The following CLDN18 variants were observed in gnomAD, a reference collection of about 807,000 sequenced individuals.
CLDN18 encodes claudin-18.
Under a neutral mutation model 25.0 loss-of-function variants are expected in CLDN18, and 20 were observed. That is an observed-to-expected ratio of 0.80 (90% CI 0.56 to 1.16). CLDN18 has a LOEUF of 1.16. CLDN18 is among the 50% of genes most tolerant of loss of function. CLDN18 has a pLI of 0.00. For synonymous variants in CLDN18, 125 were observed against 135.6 expected, an observed-to-expected ratio of 0.92 and a Z score of 0.54; for missense variants, 297 against 345.4, an observed-to-expected ratio of 0.86 and a Z score of 1.11.
upstream of CLDN18, among the ~76,000 whole-genome samples, chr3:138,008,982 C>G (rs72991129): frequency 6.6e-6 from 1 of 152,150 alleles, no homozygotes; most frequent in East Asian, 1.9e-4. Context: ...CCCCCATATC[C>G]GTCAACCAAT....
At chr3:138,014,222 C>A (rs1407411868) in intron 1 of CLDN18, among the ~76,000 whole-genome samples, 1 of 152,130 alleles carries the variant, frequency 6.6e-6, no homozygotes, top group Admixed American at 6.5e-5. Context: ...ATGTTTCAGA[C>A]CCACGAAAGG....
At position 138,032,124 on chromosome 3, in the gene CLDN18, A is replaced by G. The variant is rs1471544211; in HGVS notation, c.*983A>G. 1 of 152,214 alleles carries G rather than the reference A, an allele frequency of 6.6e-6. No individual in the cohort carries two copies. The highest frequency in any genetic ancestry group is 2.4e-5 in the African/African-American group (1 of 41,462). The allele number at this position is 152,214 out of a possible 1,614,324, so 9.4% of individuals were successfully genotyped here. A position where few individuals can be genotyped will look rare whatever the true frequency, so the allele number is the denominator to read the frequency against. ...ACATGATAGTAAGTGTAAGCCATGT[A>G]AAAAGTAAATAATGTCTGGGCACAG... On this transcript the variant is annotated 3_prime_UTR_variant, in exon 5 of 5. Transcript: ENST00000183605.
chr3:138,012,157 T>C (rs143954329), intron 1 of CLDN18, among the ~76,000 whole-genome samples: 1 of 152,308 alleles, frequency 6.6e-6, no homozygotes, highest in African/African-American at 2.4e-5. Flanking sequence ...CATTGTCAAG[T>C]TCTGTCTCTC....
At position 138,000,456 on chromosome 3, in the gene CLDN18, G is replaced by C. The variant is rs1010103594; in HGVS notation, c.220+1368G>C. ...GAGAATGACCTTGGCGGGAGAAGAA[G>C]GTTTATGTGGGGATGATTATGGAGA... is the stretch of plus-strand genomic sequence containing the variant. On this transcript the variant is annotated intron_variant, in intron 1 of 4. Coordinates refer to the CLDN18 transcript ENST00000343735. Among the ~76,000 whole-genome samples, 24 of 152,316 alleles carry C rather than the reference G, an allele frequency of 1.6e-4. No individual in the cohort carries two copies. In the South Asian group the frequency reaches 2.7e-3, roughly 17 times the overall value.
chr3:138,023,305 G>T (rs1385007548), intron 1 of CLDN18, among the ~76,000 whole-genome samples: 2 of 152,124 alleles, frequency 1.3e-5, no homozygotes, highest in Non-Finnish European at 2.9e-5. Context: ...CTTACCTTAG[G>T]CAAACTATTT....
intron 1 of CLDN18, among the ~76,000 whole-genome samples, chr3:138,000,205 A>T (rs565620445): frequency 7.9e-4 from 120 of 152,290 alleles, no homozygotes; most frequent in African/African-American, 2.6e-3. Context: ...CCAAAAATAT[A>T]AAAGAGTGCA....
chr3:137,998,843 G>T, exon 1 of CLDN18: 2 of 1,610,890 alleles, frequency 1.2e-6, no homozygotes, highest in Non-Finnish European at 1.7e-6. Flanking sequence ...TTGTCGTGTG[G>T]CTCTGTGTCG....
In CLDN18 at chr3:138,032,744, G is replaced by C. The variant is rs1942412218; in HGVS notation, c.*1603G>C. 6.6e-6 allele frequency: 1 copy of C among 152,154 alleles called. No homozygotes were observed. The highest frequency in any genetic ancestry group is 2.4e-5 in the African/African-American group (1 of 41,438). The allele number at this position is 152,154 out of a possible 1,614,324, so 9.4% of individuals were successfully genotyped here. ...CAGGTGTGCGCCATCACAACTAGCT[G>C]GTGGTCAGTTTTGTTACTCTGAGAG... is the stretch of plus-strand genomic sequence containing the variant. On this transcript the variant is annotated 3_prime_UTR_variant, in exon 5 of 5. Transcript: ENST00000183605.
chr3:138,029,048 G>A (rs964311551), intron 3 of CLDN18, among the ~76,000 whole-genome samples: 1 of 152,210 alleles, frequency 6.6e-6, no homozygotes, highest in African/African-American at 2.4e-5. Flanking sequence ...AGCTCTACCT[G>A]CATGGAGGGT....
intron 1 of CLDN18, 101 bp from the exon 2 acceptor site, chr3:138,023,557 G>A (rs1942292702): frequency 8.8e-7 from 1 of 1,131,502 alleles, no homozygotes; most frequent in Admixed American, 2.1e-5. Context: ...GAGGTTTGGT[G>A]CAGGTTAGTT....
exon 1 of CLDN18, chr3:137,998,915 T>G: frequency 6.2e-7 from 1 of 1,614,204 alleles, no homozygotes; most frequent in East Asian, 2.2e-5. Context: ...GTTTCACTGA[T>G]TGGGATTGCG....
intron 1 of CLDN18, chr3:137,999,196 C>T (rs1029024347): frequency 2.2e-5 from 22 of 995,580 alleles, no homozygotes; most frequent in Non-Finnish European, 3.2e-5. Context: ...GGAGGAACTG[C>T]GATTCGTGTT....
At chr3:138,008,938 A>C (rs548065774), upstream of CLDN18, among the ~76,000 whole-genome samples, 133 of 152,320 alleles carry the variant, frequency 8.7e-4, no homozygotes, top group African/African-American at 3.2e-3. Context: ...AAATTTTTAA[A>C]AAGTCTCTGG....
intron 1 of CLDN18, among the ~76,000 whole-genome samples, chr3:138,001,336 A>C (rs765885169): frequency 4.6e-5 from 7 of 151,548 alleles, no homozygotes; most frequent in Non-Finnish European, 7.4e-5. Context: ...ATTCTCCTTG[A>C]ATGGGGTCCT....
intron 3 of CLDN18, among the ~76,000 whole-genome samples, chr3:138,025,848 G>A (rs1031049869): frequency 2.8e-4 from 43 of 152,184 alleles, no homozygotes; most frequent in Middle Eastern, 3.4e-3. Context: ...AGAGTATTTG[G>A]GTGCCTGGGG....
At chr3:138,028,523 C>T (rs1021661408) in intron 3 of CLDN18, among the ~76,000 whole-genome samples, 3 of 152,124 alleles carry the variant, frequency 2.0e-5, no homozygotes, top group African/African-American at 7.2e-5. Context: ...ACAAACAGTC[C>T]CCATGCTCTT....
At chr3:138,029,338 G>A (rs1481425601) in intron 3 of CLDN18, among the ~76,000 whole-genome samples, 1 of 152,050 alleles carries the variant, frequency 6.6e-6, no homozygotes. Context: ...TAGAGACAGG[G>A]TTTCACCATG....
upstream of CLDN18, among the ~76,000 whole-genome samples, chr3:138,006,657 A>C (rs143992301): frequency 1.7e-4 from 26 of 152,344 alleles, no homozygotes; most frequent in Non-Finnish European, 2.8e-4. Context: ...ATTTTTTGGC[A>C]GATACGGCTA....
At chr3:138,014,826 TTAGA>T (rs1325020975) in intron 1 of CLDN18, among the ~76,000 whole-genome samples, 2 of 152,124 alleles carry the variant, frequency 1.3e-5, no homozygotes, top group African/African-American at 2.4e-5. Flanking sequence ...ATTTGATGAC[TTAGA>T]TAAGGAATGG....
Sources: gnomAD v4.1 joint callset for allele counts (sites outside exome capture counted in the v4.1 genomes callset) on GRCh38, gnomAD v4.1.1 for gene constraint, MANE v1.5 for transcripts, NCBI Gene and HGNC (gene_info 2026-07-23, HGNC 2026-07-21) for gene names.